PEX5L: variants seen among roughly 807,000 people sequenced by gnomAD.
The protein encoded by PEX5L is peroxisomal biogenesis factor 5 like, also known as PEX5-related protein.
A neutral mutation model predicts 84.0 loss-of-function variants in PEX5L; 30 were observed. The ratio of observed to expected loss-of-function variants is 0.36; its 90% CI spans 0.27 to 0.48. PEX5L has a LOEUF of 0.48. Among genes scored for constraint, PEX5L ranks in the 20% least tolerant of loss-of-function variants. The pLI is 0.99. For missense variants in PEX5L, 533 were observed against 754.6 expected, an observed-to-expected ratio of 0.71 and a Z score of 3.44; for synonymous variants, 270 against 283.1, an observed-to-expected ratio of 0.95 and a Z score of 0.46.
chr3:179,888,941 A>T (rs998682631), intron 3 of PEX5L, among the ~76,000 whole-genome samples: 3 of 151,654 alleles, frequency 2.0e-5, no homozygotes, highest in African/African-American at 7.3e-5. Context: ...ATTTTTAAAA[A>T]TTTTAAATTT....
intron 1 of PEX5L, among the ~76,000 whole-genome samples, chr3:179,977,361 C>T (rs4404447): frequency 0.39 from 59,990 of 151,938 alleles, 12,541 homozygotes; most frequent in East Asian, 0.75. Flanking sequence ...TTTTTACTTG[C>T]GACCCTTGCA....
At chr3:179,814,615 G>A (rs972190150) in intron 10 of PEX5L, among the ~76,000 whole-genome samples, 4 of 152,182 alleles carry the variant, frequency 2.6e-5, no homozygotes, top group African/African-American at 9.6e-5. Context: ...AATGAAAGAA[G>A]AAACCATTAT....
At chr3:179,938,749 T>C (rs207464116) in intron 2 of PEX5L, among the ~76,000 whole-genome samples, 2 of 152,232 alleles carry the variant, frequency 1.3e-5, no homozygotes, top group Non-Finnish European at 2.9e-5. Flanking sequence ...TCCAAATTTA[T>C]GGATGACATT....
intron 1 of PEX5L, among the ~76,000 whole-genome samples, chr3:180,021,605 G>A (rs920350337): frequency 4.6e-5 from 7 of 152,228 alleles, no homozygotes; most frequent in African/African-American, 1.7e-4. Flanking sequence ...CCAGGTTTCT[G>A]ACTTAGGTAA....
intron 8 of PEX5L, 98 bp downstream of exon 8, chr3:179,858,964 T>C: frequency 2.7e-6 from 2 of 741,654 alleles, no homozygotes; most frequent in South Asian, 1.5e-5. Context: ...ATGTCTATAA[T>C]GTAAGACCCA....
At chr3:179,909,098 T>C (rs1764286310) in intron 2 of PEX5L, among the ~76,000 whole-genome samples, 1 of 152,092 alleles carries the variant, frequency 6.6e-6, no homozygotes, top group South Asian at 2.1e-4. Flanking sequence ...TATGCAATCT[T>C]TTGCTTGTAT....
At chr3:179,941,021 G>C (rs535775805) in intron 2 of PEX5L, among the ~76,000 whole-genome samples, 2 of 152,254 alleles carry the variant, frequency 1.3e-5, no homozygotes, top group African/African-American at 4.8e-5. Flanking sequence ...TATAACCAGC[G>C]GTCTTTCACT....
intron 2 of PEX5L, among the ~76,000 whole-genome samples, chr3:179,958,492 T>C (rs1023839802): frequency 6.6e-6 from 1 of 152,254 alleles, no homozygotes; most frequent in South Asian, 2.1e-4. Context: ...TGGAACAGAG[T>C]GTAGCACATA....
intron 2 of PEX5L, among the ~76,000 whole-genome samples, chr3:179,942,048 A>G (rs1330996018): frequency 6.6e-6 from 1 of 151,504 alleles, no homozygotes; most frequent in Non-Finnish European, 1.5e-5. Flanking sequence ...AAGAAAAGAA[A>G]AGATTATCAG....
At position 179,801,691 on chromosome 3, in the gene PEX5L, A is replaced by G; in HGVS notation, c.*137T>C. ...CAGAGACTGGGCATTGTCCACAGGA[A>G]TTAATTTCCTTGGGCTATATGACCA... On this transcript the variant is annotated 3_prime_UTR_variant, in exon 15 of 15. Coordinates refer to ENST00000467460, the MANE Select transcript of PEX5L (RefSeq NM_016559.3). 1 of 670,526 alleles carries G rather than the reference A, an allele frequency of 1.5e-6. No individual in the cohort carries two copies. Among genetic ancestry groups the G allele is most frequent in the Non-Finnish European group, 2.6e-6 (1 of 381,014 alleles). 41.5% of individuals were successfully genotyped at this position (670,526 alleles called of 1,614,324 possible). A position where few individuals can be genotyped will look rare whatever the true frequency, so the allele number is the denominator to read the frequency against.
intron 2 of PEX5L, among the ~76,000 whole-genome samples, chr3:179,963,056 A>T (rs960187539): frequency 6.6e-6 from 1 of 152,208 alleles, no homozygotes; most frequent in Non-Finnish European, 1.5e-5. Context: ...AAGATACCTG[A>T]TAGCATTTCA....
At chr3:179,905,066 T>C (rs944414638) in intron 2 of PEX5L, among the ~76,000 whole-genome samples, 1 of 152,204 alleles carries the variant, frequency 6.6e-6, no homozygotes, top group African/African-American at 2.4e-5. Context: ...AATAATTGCA[T>C]GTGCTCAAAC....
chr3:179,859,547 A>AAGTCAAGAGGGACAATCCATT, intron 7 of PEX5L, among the ~76,000 whole-genome samples: 1 of 152,340 alleles, frequency 6.6e-6, no homozygotes, highest in East Asian at 1.9e-4. Context: ...ATTGATATTC[A>AAGTCAAGAGGGACAATCCATT]AGCTTTCAGC....
chr3:179,830,149 T>C (rs767575172), intron 8 of PEX5L, among the ~76,000 whole-genome samples: 6 of 151,992 alleles, frequency 3.9e-5, no homozygotes, highest in African/African-American at 7.2e-5. Flanking sequence ...TTTGTGGAAA[T>C]AGTATTTTCC....
At chr3:179,903,782 G>A (rs541061026) in intron 2 of PEX5L, among the ~76,000 whole-genome samples, 1 of 152,294 alleles carries the variant, frequency 6.6e-6, no homozygotes, top group South Asian at 2.1e-4. Flanking sequence ...GTGTGCTCCT[G>A]TAGATTTCTT....
intron 2 of PEX5L, among the ~76,000 whole-genome samples, chr3:179,922,277 A>G (rs1403549550): frequency 6.6e-6 from 1 of 152,186 alleles, no homozygotes; most frequent in Non-Finnish European, 1.5e-5. Context: ...GATATTACGC[A>G]AATAATTTCA....
chr3:179,810,002 CTTTTTTTTTTTTT>C (rs35662193), intron 11 of PEX5L, among the ~76,000 whole-genome samples: 7 of 45,306 alleles, frequency 1.5e-4, no homozygotes, highest in Admixed American at 1.1e-3. Flanking sequence ...TTTAATGCTG[CTTTTTTTTTTTTT>C]TTTTTTTTTT....
chr3:180,020,685 A>G, intron 1 of PEX5L, among the ~76,000 whole-genome samples: 1 of 152,110 alleles, frequency 6.6e-6, no homozygotes, highest in African/African-American at 2.4e-5. Flanking sequence ...TGTTCTTCAC[A>G]CTTGCCTTAA....
At chr3:179,814,476 G>A (rs1725264256) in intron 10 of PEX5L, among the ~76,000 whole-genome samples, 1 of 152,198 alleles carries the variant, frequency 6.6e-6, no homozygotes, top group African/African-American at 2.4e-5. Context: ...ATGCAGTTGG[G>A]ATAGCACAGC....
Sources: gnomAD v4.1 joint callset for allele counts (sites outside exome capture counted in the v4.1 genomes callset) on GRCh38, gnomAD v4.1.1 for gene constraint, MANE v1.5 for transcripts, NCBI Gene and HGNC (gene_info 2026-07-23, HGNC 2026-07-21) for gene names.